The following NPAS3 variants were observed in gnomAD, a reference collection of about 807,000 sequenced individuals.
NPAS3 encodes the protein neuronal PAS domain protein 3.
A neutral mutation model predicts 73.1 loss-of-function variants in NPAS3; 14 were observed. The observed-to-expected ratio is 0.19, with a 90% CI of 0.13 to 0.30. NPAS3 has a LOEUF of 0.30. Ranked by LOEUF, NPAS3 falls within the 10% of genes least tolerant of loss-of-function variation. NPAS3 has a pLI of 1.00. For synonymous variants in NPAS3, 620 were observed against 541.5 expected, an observed-to-expected ratio of 1.14 and a Z score of -2.01; for missense variants, 1,096 against 1,250.0, an observed-to-expected ratio of 0.88 and a Z score of 1.86.
intron 5 of NPAS3, among the ~76,000 whole-genome samples, chr14:33,636,066 A>G (rs2058506488): frequency 6.6e-6 from 1 of 152,148 alleles, no homozygotes; most frequent in African/African-American, 2.4e-5. Context: ...GATTACAGGC[A>G]TGCACCACCA....
chr14:33,634,614 T>C lies in NPAS3; in HGVS notation c.559-41597T>C, dbSNP rs116041354. 3.1e-3 allele frequency among the ~76,000 whole-genome samples: 474 copies of C among 152,266 alleles called. 1 individual carries two copies. The highest frequency in any genetic ancestry group is 0.011 in the African/African-American group (453 of 41,548). On this transcript the variant is annotated intron_variant, in intron 5 of 11. Coordinates refer to ENST00000356141, the Ensembl canonical transcript of NPAS3. ...AGAGAATTATGAAGGCAGCAATTCCTAGGAGTTTGCGATGTGAGGTGGGAG... is the reference window on the plus strand; with the variant it reads ...AGAGAATTATGAAGGCAGCAATTCCCAGGAGTTTGCGATGTGAGGTGGGAG...
chr14:33,258,232 A>G (rs1022438146), intron 3 of NPAS3, among the ~76,000 whole-genome samples: 9 of 152,126 alleles, frequency 5.9e-5, no homozygotes, highest in African/African-American at 2.2e-4. Context: ...CTCCATATCT[A>G]CTAAAAATAT....
chr14:33,380,864 T>C (rs1226827817), intron 4 of NPAS3, among the ~76,000 whole-genome samples: 1 of 152,144 alleles, frequency 6.6e-6, no homozygotes, highest in African/African-American at 2.4e-5. Flanking sequence ...CAGGTGACCC[T>C]TTAGGCCACC....
rs1267193518 is a variant in NPAS3 at position 33,364,023 on chromosome 14, A to C, written c.386-3163A>C. 2.0e-5 allele frequency among the ~76,000 whole-genome samples: 3 copies of C among 152,124 alleles called. No homozygotes were observed. In the East Asian group the frequency reaches 5.8e-4, roughly 29 times the overall value. The stretch of plus-strand genomic sequence containing the variant: ...AAAATAGTCTTTTAGTTGAACAAAC[A>C]AATAAATGAAATATGTCAGTAGATC... On this transcript the variant is annotated intron_variant, in intron 3 of 11. Transcript: ENST00000356141.
chr14:33,169,479 A>G (rs2045303523), intron 2 of NPAS3, among the ~76,000 whole-genome samples: 1 of 152,138 alleles, frequency 6.6e-6, no homozygotes, highest in Admixed American at 6.6e-5. Flanking sequence ...GAGACAAGAG[A>G]ATTACTTGAA....
intron 4 of NPAS3, among the ~76,000 whole-genome samples, chr14:33,482,972 A>G (rs1335680805): frequency 6.6e-6 from 1 of 152,218 alleles, no homozygotes; most frequent in Non-Finnish European, 1.5e-5. Context: ...AAGGGAGCCA[A>G]ACACTATTTG....
At chr14:33,570,585 G>A (rs534748314) in intron 5 of NPAS3, among the ~76,000 whole-genome samples, 6 of 152,142 alleles carry the variant, frequency 3.9e-5, no homozygotes, top group South Asian at 2.1e-4. Context: ...AGAAAGGACC[G>A]TGCCATTCCA....
intron 3 of NPAS3, among the ~76,000 whole-genome samples, chr14:33,341,539 G>C (rs1004299522): frequency 1.3e-5 from 2 of 152,028 alleles, no homozygotes; most frequent in African/African-American, 4.8e-5. Context: ...GAGAGGGAGA[G>C]GGAAAGGGAT....
At chr14:32,974,619 G>A (rs2037576062) in intron 1 of NPAS3, among the ~76,000 whole-genome samples, 1 of 152,092 alleles carries the variant, frequency 6.6e-6, no homozygotes, top group Non-Finnish European at 1.5e-5. Context: ...ACCAAACAAA[G>A]ACAGAGCTAA....
At chr14:33,360,825 C>T (rs1293912449) in intron 3 of NPAS3, among the ~76,000 whole-genome samples, 1 of 152,096 alleles carries the variant, frequency 6.6e-6, no homozygotes, top group Non-Finnish European at 1.5e-5. Context: ...TGAGGATTTC[C>T]CTCATGTACC....
downstream of NPAS3, chr14:33,801,558 T>A (rs28658465): frequency 0.047 from 7,308 of 156,846 alleles, 557 homozygotes; most frequent in African/African-American, 0.16. Flanking sequence ...TCAAATGAAA[T>A]AGGGTGGTTT....
At chr14:33,338,796 G>GA (rs2044344039) in intron 3 of NPAS3, among the ~76,000 whole-genome samples, 1 of 152,064 alleles carries the variant, frequency 6.6e-6, no homozygotes, top group South Asian at 2.1e-4. Flanking sequence ...TTAGGGAATT[G>GA]AAAAAGCTCT....
chr14:33,519,816 A>C (rs1292449480), intron 4 of NPAS3, among the ~76,000 whole-genome samples: 3 of 152,172 alleles, frequency 2.0e-5, no homozygotes, highest in African/African-American at 7.2e-5. Flanking sequence ...TTGTGTTTGA[A>C]CCCAGATAAT....
In NPAS3 at chr14:33,800,179, C is replaced by T. The variant is rs1445367648; in HGVS notation, c.1872C>T (p.Gly624=). 1.3e-5 allele frequency: 21 copies of T among 1,609,998 alleles called. No individual in the cohort carries two copies. The highest frequency in any genetic ancestry group is 1.5e-5 in the Non-Finnish European group (18 of 1,178,870). Residue 624 remains glycine, a synonymous_variant, in exon 12 of 12, where the codon GGC becomes GGT. Coordinates refer to ENST00000356141, the Ensembl canonical transcript of NPAS3. The surrounding 1 kb of genome is among the most constrained non-coding windows in gnomAD (Gnocchi z 6.5). ...GCCTGTCCAGCGCGTCGAGCCCAGG[C>T]GGCCTGGACGCGGGCCTGGTGGAGC... is the stretch of plus-strand genomic sequence containing the variant.
chr14:33,661,520 T>G (rs538229981), intron 5 of NPAS3, among the ~76,000 whole-genome samples: 1 of 152,236 alleles, frequency 6.6e-6, no homozygotes, highest in Non-Finnish European at 1.5e-5. Context: ...TGCCACTTAC[T>G]ACACTACTAC....
rs370220854 is a variant in NPAS3, at chr14:33,716,721, C to CT, written c.734-18487dup. Among the ~76,000 whole-genome samples, 555 of 152,132 alleles carry CT rather than the reference C, an allele frequency of 3.6e-3. 5 individuals are homozygous for CT. Among genetic ancestry groups the CT allele is most frequent in the African/African-American group, 0.013 (525 of 41,496 alleles). ...TATGTCATATAAGCGAATTCTCATCCTTTTTTGTGTTTTGGAGTATTTTCC... is the reference window on the plus strand; with the variant it reads ...TATGTCATATAAGCGAATTCTCATCCTTTTTTTGTGTTTTGGAGTATTTTCC... On this transcript the variant is annotated intron_variant, in intron 6 of 11. Coordinates refer to ENST00000356141, the Ensembl canonical transcript of NPAS3.
At chr14:33,246,839 C>CAAAAAAAAAAAAAAAAAAA (rs571439161) in intron 3 of NPAS3, among the ~76,000 whole-genome samples, 1 of 61,954 alleles carries the variant, frequency 1.6e-5, no homozygotes, top group African/African-American at 7.8e-5. Flanking sequence ...ATTAAAAATA[C>CAAAAAAAAAAAAAAAAAAA]AAAAAAAAAA....
intron 2 of NPAS3, among the ~76,000 whole-genome samples, chr14:33,133,767 C>T (rs1055965858): frequency 1.3e-5 from 2 of 151,880 alleles, no homozygotes; most frequent in East Asian, 3.9e-4. Flanking sequence ...GCCTTTTTTC[C>T]TAGAGGTTTA....
intron 5 of NPAS3, among the ~76,000 whole-genome samples, chr14:33,672,243 C>T (rs1046883618): frequency 6.6e-6 from 1 of 152,082 alleles, no homozygotes; most frequent in African/African-American, 2.4e-5. Flanking sequence ...AACTCAAGGC[C>T]TTACTGCAAA....
Sources: gnomAD v4.1 joint callset for allele counts (sites outside exome capture counted in the v4.1 genomes callset) on GRCh38, gnomAD v4.1.1 for gene constraint, Gnocchi (gnomAD v3.1) non-coding constraint, MANE v1.5 for transcripts, NCBI Gene and HGNC (gene_info 2026-07-23, HGNC 2026-07-21) for gene names.